UBE2E2: variants seen among roughly 807,000 people sequenced by gnomAD.
UBE2E2 encodes ubiquitin-conjugating enzyme E2 E2.
Under a neutral mutation model 24.7 loss-of-function variants are expected in UBE2E2, and 6 were observed. That is an observed-to-expected ratio of 0.24 (90% confidence interval 0.13 to 0.48). The LOEUF (loss-of-function observed/expected upper bound fraction) is 0.48. Among genes scored for constraint, UBE2E2 ranks in the 20% least tolerant of loss-of-function variants. The pLI is 0.99. For missense variants in UBE2E2, 169 were observed against 245.0 expected (o/e 0.69, Z 2.07); for synonymous variants, 104 against 83.6 (o/e 1.24, Z -1.33).
intron 4 of UBE2E2, among the ~76,000 whole-genome samples, chr3:23,509,899 A>G (rs1212859067): frequency 1.3e-5 from 2 of 151,994 alleles, no homozygotes; most frequent in African/African-American, 4.8e-5. Flanking sequence ...CCTACAAAGG[A>G]CATGAACTCA....
intron 5 of UBE2E2, among the ~76,000 whole-genome samples, chr3:23,555,874 G>C (rs575387275): frequency 1.3e-5 from 2 of 152,126 alleles, no homozygotes; most frequent in Non-Finnish European, 2.9e-5. Flanking sequence ...AGGTTGTAGT[G>C]TGGGGAAGGA....
At chr3:23,561,911 T>A (rs1164769910) in intron 5 of UBE2E2, among the ~76,000 whole-genome samples, 1 of 152,216 alleles carries the variant, frequency 6.6e-6, no homozygotes, top group Non-Finnish European at 1.5e-5. Context: ...TTTTTGCACA[T>A]TGATTTTGTA....
rs145523911 is a variant in UBE2E2, at chr3:23,391,851, A to G, written c.228-107757A>G. On this transcript the variant is annotated intron_variant, in intron 3 of 5. Coordinates refer to ENST00000396703, the MANE Select transcript of UBE2E2 (RefSeq NM_152653.4). ...TATCATGTCTTAAAATAGTATATCA[A>G]TAATAAATAGAACGAAAGGGTGATT... 2.4e-3 allele frequency among the ~76,000 whole-genome samples: 359 copies of G among 152,224 alleles called. 1 individual carries two copies. The highest frequency in any genetic ancestry group is 7.7e-3 in the African/African-American group (320 of 41,538).
Position 23,506,307 on chromosome 3 carries a change from A to C in UBE2E2, c.360+6567A>C, listed in dbSNP as rs1223919537. ...AGTTGAACATCCAGTAGTCATCTCA[A>C]ACTTAACAAATCCAGAACCAAATTA... is the stretch of plus-strand genomic sequence containing the variant. On this transcript the variant is annotated intron_variant, in intron 4 of 5. Coordinates refer to ENST00000396703, the MANE Select transcript of UBE2E2 (RefSeq NM_152653.4). Among the ~76,000 whole-genome samples, 3 of 152,198 alleles carry C rather than the reference A, an allele frequency of 2.0e-5. No homozygotes were observed. The East Asian group carries it at 5.8e-4, about 29-fold the overall frequency.
intron 5 of UBE2E2, among the ~76,000 whole-genome samples, chr3:23,534,988 G>C (rs1245384223): frequency 6.6e-6 from 1 of 151,960 alleles, no homozygotes; most frequent in African/African-American, 2.4e-5. Context: ...TACTCTTTTT[G>C]TAATTTGCAC....
At chr3:23,471,832 A>G (rs979137779) in intron 3 of UBE2E2, among the ~76,000 whole-genome samples, 1 of 152,226 alleles carries the variant, frequency 6.6e-6, no homozygotes, top group African/African-American at 2.4e-5. Context: ...GTGGGAGACC[A>G]CATTTTGTAA....
chr3:23,481,957 T>C (rs1289359037), intron 3 of UBE2E2, among the ~76,000 whole-genome samples: 1 of 152,228 alleles, frequency 6.6e-6, no homozygotes, highest in Non-Finnish European at 1.5e-5. Context: ...AAAATTGATG[T>C]AGATACCATG....
intron 3 of UBE2E2, among the ~76,000 whole-genome samples, chr3:23,336,087 G>A (rs1026252063): frequency 1.3e-5 from 2 of 152,046 alleles, no homozygotes; most frequent in African/African-American, 4.8e-5. Context: ...TCACTTACTA[G>A]TAAAAGTGAA....
At chr3:23,248,615 G>T (rs566480902) in intron 3 of UBE2E2, among the ~76,000 whole-genome samples, 1 of 152,136 alleles carries the variant, frequency 6.6e-6, no homozygotes, top group East Asian at 1.9e-4. Context: ...TCTTCTTTAC[G>T]AAAAGGAGAG....
chr3:23,433,439 G>A (rs1698112031), intron 3 of UBE2E2, among the ~76,000 whole-genome samples: 1 of 151,924 alleles, frequency 6.6e-6, no homozygotes, highest in African/African-American at 2.4e-5. Flanking sequence ...TAATGCAGGT[G>A]AATGCTTTGG....
chr3:23,307,723 G>A (rs1427627196), intron 3 of UBE2E2, among the ~76,000 whole-genome samples: 2 of 152,008 alleles, frequency 1.3e-5, no homozygotes, highest in Non-Finnish European at 1.5e-5. Flanking sequence ...TATTAGTTAT[G>A]AATTATCACA....
chr3:23,373,692 C>T (rs186796506), intron 3 of UBE2E2, among the ~76,000 whole-genome samples: 11 of 152,226 alleles, frequency 7.2e-5, no homozygotes, highest in South Asian at 4.1e-4. Flanking sequence ...TAATAGTCTA[C>T]TCTTATGCTA....
At chr3:23,274,812 G>A (rs1175720067) in intron 3 of UBE2E2, among the ~76,000 whole-genome samples, 1 of 152,162 alleles carries the variant, frequency 6.6e-6, no homozygotes, top group African/African-American at 2.4e-5. Flanking sequence ...TACAGCAAAT[G>A]CTGTGTAGGT....
chr3:23,370,420 T>G (rs1420550594), intron 3 of UBE2E2, among the ~76,000 whole-genome samples: 1 of 152,202 alleles, frequency 6.6e-6, no homozygotes, highest in African/African-American at 2.4e-5. Flanking sequence ...TTTAAGTAAT[T>G]AAACATTGTC....
chr3:23,509,129 A>G (rs1040802775), intron 4 of UBE2E2, among the ~76,000 whole-genome samples: 16 of 152,224 alleles, frequency 1.1e-4, no homozygotes, highest in Non-Finnish European at 1.5e-5. Flanking sequence ...CTCTGAGAGA[A>G]ACACTCTAAG....
At chr3:23,259,558 T>C (rs937416956) in intron 3 of UBE2E2, among the ~76,000 whole-genome samples, 2 of 140,694 alleles carry the variant, frequency 1.4e-5, no homozygotes, top group Non-Finnish European at 3.1e-5. Context: ...GTTCTGCACA[T>C]GTATCCTGGA....
chr3:23,409,587 C>G (rs1697451685), intron 3 of UBE2E2, among the ~76,000 whole-genome samples: 1 of 152,144 alleles, frequency 6.6e-6, no homozygotes, highest in East Asian at 1.9e-4. Flanking sequence ...ATTTTGCATT[C>G]TTTGTACTAT....
intron 3 of UBE2E2, among the ~76,000 whole-genome samples, chr3:23,498,817 T>G (rs917646529): frequency 2.0e-5 from 3 of 152,170 alleles, no homozygotes; most frequent in African/African-American, 4.8e-5. Flanking sequence ...CATTTTGCCC[T>G]TCTTTTCACC....
At chr3:23,346,716 C>T (rs1426137387) in intron 3 of UBE2E2, among the ~76,000 whole-genome samples, 1 of 152,118 alleles carries the variant, frequency 6.6e-6, no homozygotes. Flanking sequence ...GTAGACTTTT[C>T]CTTTCTTTTC....
Sources: allele counts gnomAD v4.1 joint callset (sites outside exome capture counted in the v4.1 genomes callset), GRCh38; gene constraint gnomAD v4.1.1; transcripts MANE v1.5; gene names NCBI Gene and HGNC (gene_info 2026-07-23, HGNC 2026-07-21).